The following FAM168A variants were observed in gnomAD, a reference collection of about 807,000 sequenced individuals.
The protein encoded by FAM168A is family with sequence similarity 168 member A, also known as protein FAM168A.
FAM168A carries 3 observed loss-of-function variants against 28.5 expected under a neutral mutation model. The ratio of observed to expected loss-of-function variants is 0.11; its 90% CI spans 0.05 to 0.27. The LOEUF is 0.27. FAM168A is among the 10% of genes least tolerant of loss of function. The probability of loss-of-function intolerance (pLI) is 1.00; values close to 1 mark genes in which losing one functional copy is unlikely to be tolerated. For synonymous variants in FAM168A, 122 were observed against 124.2 expected, an observed-to-expected ratio of 0.98 and a Z score of 0.12; for missense variants, 222 against 311.5, an observed-to-expected ratio of 0.71 and a Z score of 2.16.
intron 1 of FAM168A, among the ~76,000 whole-genome samples, chr11:73,541,033 C>G (rs1833386122): frequency 6.6e-6 from 1 of 152,024 alleles, no homozygotes; most frequent in African/African-American, 2.4e-5. Flanking sequence ...GCTGAAACTC[C>G]CTCTCTACTA....
Position 73,445,451 on chromosome 11 carries a change from G to A in FAM168A, c.71-14681C>T, listed in dbSNP as rs866171816. 4.2e-3 allele frequency among the ~76,000 whole-genome samples: 177 copies of A among 41,660 alleles called. 1 individual carries two copies. The Middle Eastern group carries it at 0.061, about 14-fold the overall frequency. 27.3% of individuals were successfully genotyped at this position (41,660 alleles called of 152,430 possible). A position where few individuals can be genotyped will look rare whatever the true frequency, so the allele number is the denominator to read the frequency against. ...TTTTTTTTTTTTTTTTTTTTTTTTG[G>A]TAGAGACAGGGTCTCAATATGTTAC... On this transcript the variant is annotated intron_variant, in intron 2 of 7. Transcript: ENST00000356467.
At chr11:73,441,500 C>T (rs1190116865) in intron 2 of FAM168A, among the ~76,000 whole-genome samples, 1 of 152,152 alleles carries the variant, frequency 6.6e-6, no homozygotes, top group Non-Finnish European at 1.5e-5. Flanking sequence ...ATGTCTTTGC[C>T]TGGTTTTGGT....
chr11:73,487,085 G>T (rs1868062933), intron 1 of FAM168A, among the ~76,000 whole-genome samples: 1 of 152,114 alleles, frequency 6.6e-6, no homozygotes, highest in Admixed American at 6.5e-5. Flanking sequence ...CTTCTCAGCT[G>T]GGGATATTAT....
chr11:73,494,341 G>C (rs1010875821), intron 1 of FAM168A, among the ~76,000 whole-genome samples: 1 of 152,164 alleles, frequency 6.6e-6, no homozygotes, highest in Non-Finnish European at 1.5e-5. Flanking sequence ...GTGGCAGTGA[G>C]GCTGCTCTTC....
rs542022801 is a variant in FAM168A at position 73,493,562 on chromosome 11, T to G, written c.-18-25070A>C. On this transcript the variant is annotated intron_variant, in intron 1 of 7. Transcript: ENST00000356467. ...TCCTAAGTAGCTGGGTCTACCGACG[T>G]GTGCCACCATGCTAGGCTAATTTTT... Among the ~76,000 whole-genome samples, 61 of 152,166 alleles carry G rather than the reference T, an allele frequency of 4.0e-4. No individual in the cohort carries two copies. In the South Asian group the frequency reaches 0.013, roughly 32 times the overall value.
chr11:73,480,275 C>T (rs543457226), intron 1 of FAM168A, among the ~76,000 whole-genome samples: 3 of 152,242 alleles, frequency 2.0e-5, no homozygotes, highest in South Asian at 4.2e-4. Context: ...CACATTTCAA[C>T]CACCAGAGCA....
rs1406272265 is a variant in FAM168A at position 73,401,495 on chromosome 11, GGCTGGGGTCTGGAGATGCTGGTCTT to G, written c.*5243_*5267del. The G allele has an allele frequency of 3.9e-4, 60 of 152,364 alleles. No individual in the cohort carries two copies. Among genetic ancestry groups the G allele is most frequent in the Admixed American group, 3.9e-3 (59 of 15,290 alleles). 9.4% of individuals were successfully genotyped at this position (152,364 alleles called of 1,614,324 possible). On this transcript the variant is annotated 3_prime_UTR_variant, in exon 8 of 8. Coordinates refer to ENST00000356467, the MANE Select transcript of FAM168A (RefSeq NM_015159.3). Reference sequence around the variant, plus strand: ...TGACTCTCTTAGGCCTGAGGAGAAAGGCTGGGGTCTGGAGATGCTGGTCTTGCTGGGGTCAGGCCCAAAGCTGATC... The same window carrying G: ...TGACTCTCTTAGGCCTGAGGAGAAAGGCTGGGGTCAGGCCCAAAGCTGATC...
intron 1 of FAM168A, among the ~76,000 whole-genome samples, chr11:73,547,959 T>C (rs981557739): frequency 6.6e-6 from 1 of 152,124 alleles, no homozygotes; most frequent in Non-Finnish European, 1.5e-5. Flanking sequence ...GAAGATATTA[T>C]ACCAAGTGAA....
At chr11:73,547,124 A>G (rs1364810353) in intron 1 of FAM168A, among the ~76,000 whole-genome samples, 1 of 149,852 alleles carries the variant, frequency 6.7e-6, no homozygotes, top group African/African-American at 2.4e-5. Context: ...CAAAAGGAAG[A>G]AGAAAGAAAA....
intron 1 of FAM168A, among the ~76,000 whole-genome samples, chr11:73,557,317 G>C (rs1943902741): frequency 6.6e-6 from 1 of 152,080 alleles, no homozygotes; most frequent in Non-Finnish European, 1.5e-5. Flanking sequence ...GTTGAATGGT[G>C]GTTGCCAGGA....
At chr11:73,543,570 T>A (rs1025310628) in intron 1 of FAM168A, among the ~76,000 whole-genome samples, 1 of 152,146 alleles carries the variant, frequency 6.6e-6, no homozygotes, top group African/African-American at 2.4e-5. Context: ...CCATTAATTG[T>A]TCTTTAACTA....
At chr11:73,509,820 A>C (rs142190067) in intron 1 of FAM168A, among the ~76,000 whole-genome samples, 3,394 of 152,120 alleles carry the variant, frequency 0.022, 54 homozygotes, top group Non-Finnish European at 0.034. Context: ...CCCTCCACAA[A>C]TTTTATGCCA....
intron 2 of FAM168A, among the ~76,000 whole-genome samples, chr11:73,460,082 G>A (rs1201150115): frequency 2.0e-5 from 3 of 151,808 alleles, no homozygotes; most frequent in South Asian, 2.1e-4. Context: ...GGGTTTCACC[G>A]TGGTAACCAG....
chr11:73,507,881 G>C (rs1207542717), intron 1 of FAM168A, among the ~76,000 whole-genome samples: 1 of 152,000 alleles, frequency 6.6e-6, no homozygotes, highest in Non-Finnish European at 1.5e-5. Flanking sequence ...GCAGGACTTG[G>C]GTATGTGTAG....
intron 1 of FAM168A, among the ~76,000 whole-genome samples, chr11:73,498,886 C>A (rs768700574): frequency 6.6e-6 from 1 of 152,180 alleles, no homozygotes; most frequent in African/African-American, 2.4e-5. Context: ...GAGCCCCTAG[C>A]GGGGACGGGT....
chr11:73,437,101 CTTT>C (rs540297714), intron 2 of FAM168A, among the ~76,000 whole-genome samples: 1 of 146,024 alleles, frequency 6.8e-6, no homozygotes, highest in Admixed American at 6.9e-5. Context: ...TGCCAGCATA[CTTT>C]TTTTTTTTTT....
At chr11:73,508,233 G>C (rs1280722165) in intron 1 of FAM168A, among the ~76,000 whole-genome samples, 1 of 151,980 alleles carries the variant, frequency 6.6e-6, no homozygotes, top group African/African-American at 2.4e-5. Flanking sequence ...AATAAGTGGG[G>C]GAAAGGCTCT....
intron 1 of FAM168A, among the ~76,000 whole-genome samples, chr11:73,533,104 T>C (rs1440199722): frequency 6.6e-6 from 1 of 152,194 alleles, no homozygotes; most frequent in Non-Finnish European, 1.5e-5. Context: ...TAGTCCCAGC[T>C]TACCACTCAA....
intron 4 of FAM168A, among the ~76,000 whole-genome samples, chr11:73,418,953 C>T (rs1017420521): frequency 7.2e-5 from 11 of 152,000 alleles, no homozygotes; most frequent in Non-Finnish European, 1.0e-4. Flanking sequence ...GGACTACAGG[C>T]GCCCACCACC....
Sources: gnomAD v4.1 joint callset for allele counts (sites outside exome capture counted in the v4.1 genomes callset) on GRCh38, gnomAD v4.1.1 for gene constraint, MANE v1.5 for transcripts, NCBI Gene and HGNC (gene_info 2026-07-23, HGNC 2026-07-21) for gene names.